NAALADL2: variants seen among roughly 807,000 people sequenced by gnomAD.
The protein encoded by NAALADL2 is N-acetylated alpha-linked acidic dipeptidase like 2, also known as inactive N-acetylated-alpha-linked acidic dipeptidase-like protein 2.
In NAALADL2, 76 loss-of-function variants were observed where a neutral mutation model predicts 87.2. The observed-to-expected ratio is 0.87, with a 90% confidence interval of 0.72 to 1.05. NAALADL2 has a LOEUF of 1.05. NAALADL2 is among the 50% of genes least tolerant of loss of function. The pLI is 0.00. For missense variants in NAALADL2, 1,089 were observed against 945.8 expected (o/e 1.15, Z -1.99); for synonymous variants, 354 against 331.0 (o/e 1.07, Z -0.75).
intron 2 of NAALADL2, among the ~76,000 whole-genome samples, chr3:175,132,822 G>C (rs1195571697): frequency 2.0e-5 from 3 of 151,820 alleles, no homozygotes; most frequent in African/African-American, 7.3e-5. Context: ...ATGGCTGCCG[G>C]GCGGAGATGC....
chr3:175,278,128 T>A (rs7647893), intron 4 of NAALADL2, among the ~76,000 whole-genome samples: 129,645 of 152,088 alleles, frequency 0.85, 55,309 homozygotes, highest in Middle Eastern at 0.9. Context: ...TCCGTCTCAA[T>A]AATAATAATA....
At chr3:175,196,106 G>A (rs1043198715) in intron 2 of NAALADL2, among the ~76,000 whole-genome samples, 1 of 151,872 alleles carries the variant, frequency 6.6e-6, no homozygotes, top group African/African-American at 2.4e-5. Flanking sequence ...CACAGTCAAC[G>A]TGTTGATGGA....
chr3:174,986,858 C>T (rs529492696), intron 1 of NAALADL2, among the ~76,000 whole-genome samples: 1 of 152,150 alleles, frequency 6.6e-6, no homozygotes, highest in Non-Finnish European at 1.5e-5. Context: ...AATTTGGCCA[C>T]TGTAGGGAGA....
intron 2 of NAALADL2, among the ~76,000 whole-genome samples, chr3:175,163,231 C>T (rs907256883): frequency 2.6e-5 from 4 of 151,956 alleles, no homozygotes; most frequent in African/African-American, 9.7e-5. Flanking sequence ...ACCAGTTTTC[C>T]ACTTTAAAAA....
chr3:175,506,219 C>T (rs542820313), intron 9 of NAALADL2, among the ~76,000 whole-genome samples: 239 of 152,292 alleles, frequency 1.6e-3, no homozygotes, highest in African/African-American at 5.3e-3. Context: ...AGTGGTGCTT[C>T]GGCAGAACTG....
chr3:174,711,578 A>T (rs1472170297), intron 2 of NAALADL2, among the ~76,000 whole-genome samples: 1 of 152,128 alleles, frequency 6.6e-6, no homozygotes, highest in African/African-American at 2.4e-5. Context: ...AAGTGTGTTC[A>T]TTTCAGATTA....
intron 1 of NAALADL2, among the ~76,000 whole-genome samples, chr3:175,053,949 G>T (rs1347693437): frequency 6.6e-6 from 1 of 152,240 alleles, no homozygotes; most frequent in Non-Finnish European, 1.5e-5. Flanking sequence ...CCTGGAAGAG[G>T]TGTATGAGCC....
chr3:174,724,209 G>A (rs574980059), intron 2 of NAALADL2, among the ~76,000 whole-genome samples: 13 of 152,246 alleles, frequency 8.5e-5, no homozygotes, highest in Middle Eastern at 3.4e-3. Context: ...TCAATTAAGA[G>A]TTACTAATTA....
intron 2 of NAALADL2, among the ~76,000 whole-genome samples, chr3:174,666,827 C>A (rs1321617939): frequency 2.0e-5 from 3 of 152,110 alleles, no homozygotes; most frequent in Admixed American, 6.6e-5. Context: ...CATTGAACAA[C>A]AACTTTCATT....
chr3:174,850,048 G>A (rs1288781321), intron 3 of NAALADL2, among the ~76,000 whole-genome samples: 1 of 152,122 alleles, frequency 6.6e-6, no homozygotes, highest in Non-Finnish European at 1.5e-5. Context: ...TTCTTTCAGA[G>A]TGAAGAACTT....
At chr3:174,604,230 A>T (rs2108617493) in intron 2 of NAALADL2, among the ~76,000 whole-genome samples, 1 of 152,234 alleles carries the variant, frequency 6.6e-6, no homozygotes, top group African/African-American at 2.4e-5. Flanking sequence ...TATTTACTTT[A>T]TATATCTAGG....
chr3:174,493,178 C>T (rs1047194665), intron 1 of NAALADL2, among the ~76,000 whole-genome samples: 15 of 152,140 alleles, frequency 9.9e-5, no homozygotes, highest in Non-Finnish European at 2.2e-4. Flanking sequence ...AAATTCATGT[C>T]GAAATCTTGA....
chr3:174,536,457 G>A (rs886637910), intron 1 of NAALADL2, among the ~76,000 whole-genome samples: 1 of 152,082 alleles, frequency 6.6e-6, no homozygotes, highest in Non-Finnish European at 1.5e-5. Flanking sequence ...CCTCTATTTT[G>A]CCATCACCTC....
intron 5 of NAALADL2, among the ~76,000 whole-genome samples, chr3:175,353,361 TATA>T (rs1297391210): frequency 4.6e-5 from 7 of 152,094 alleles, no homozygotes; most frequent in Admixed American, 3.9e-4. Flanking sequence ...AAATAAAACA[TATA>T]ATATTAGTAT....
intron 3 of NAALADL2, among the ~76,000 whole-genome samples, chr3:174,751,056 T>G (rs1181307584): frequency 6.6e-6 from 1 of 152,142 alleles, no homozygotes; most frequent in Non-Finnish European, 1.5e-5. Context: ...TTTTTAAATC[T>G]TATTTATTTA....
At chr3:174,912,308 A>T (rs1022863281) in intron 1 of NAALADL2, among the ~76,000 whole-genome samples, 10 of 148,696 alleles carry the variant, frequency 6.7e-5, no homozygotes, top group Non-Finnish European at 1.0e-4. Context: ...CATGTTTTAA[A>T]TTTTTTTTTT....
At chr3:174,508,113 G>GTTT (rs1560020933) in intron 1 of NAALADL2, among the ~76,000 whole-genome samples, 1 of 92,958 alleles carries the variant, frequency 1.1e-5, no homozygotes, top group African/African-American at 3.9e-5. Context: ...GATATCTAGT[G>GTTT]GTTTTTTTTT....
rs537999723 is a variant in NAALADL2, at chr3:175,602,401, A to C, written c.1801-24890A>C. Among the ~76,000 whole-genome samples the C allele has an allele frequency of 2.2e-4, 33 of 152,142 alleles. No individual in the cohort carries two copies. In the South Asian group the frequency reaches 6.2e-3, roughly 29 times the overall value. On this transcript the variant is annotated intron_variant, in intron 10 of 13. Coordinates refer to ENST00000454872, the MANE Select transcript of NAALADL2 (RefSeq NM_207015.3). ...ACACAGTGATAAGTACTATATATCT[A>C]TATATGTAACATGTATGTAAACATA...
intron 5 of NAALADL2, among the ~76,000 whole-genome samples, chr3:175,396,878 A>G (rs1423831102): frequency 6.6e-6 from 1 of 152,008 alleles, no homozygotes; most frequent in East Asian, 1.9e-4. Flanking sequence ...TTCTGCCATT[A>G]TTATAAGTTT....
Sources: allele counts gnomAD v4.1 joint callset (sites outside exome capture counted in the v4.1 genomes callset), GRCh38; gene constraint gnomAD v4.1.1; transcripts MANE v1.5; gene names NCBI Gene and HGNC (gene_info 2026-07-23, HGNC 2026-07-21).